THSD4: variants seen among roughly 807,000 people sequenced by gnomAD.
THSD4 encodes the protein thrombospondin type 1 domain containing 4, also known as thrombospondin type-1 domain-containing protein 4.
THSD4 carries 69 observed loss-of-function variants against 119.0 expected under a neutral mutation model. The observed-to-expected ratio is 0.58, with a 90% confidence interval of 0.48 to 0.71. THSD4 has a LOEUF of 0.71. THSD4 is among the 30% of genes least tolerant of loss of function. The pLI, the probability that THSD4 is intolerant of heterozygous loss-of-function variation, is 0.00. For synonymous variants in THSD4, 524 were observed against 540.4 expected, an observed-to-expected ratio of 0.97 and a Z score of 0.42; for missense variants, 1,393 against 1,391.1, an observed-to-expected ratio of 1.00 and a Z score of -0.02.
At chr15:71,310,315 G>A (rs2045094271) in intron 6 of THSD4, among the ~76,000 whole-genome samples, 1 of 152,092 alleles carries the variant, frequency 6.6e-6, no homozygotes, top group African/African-American at 2.4e-5. Flanking sequence ...CTCTGTGGGG[G>A]CCAAGGAAAC....
chr15:71,560,894 C>T (rs1298502004), intron 7 of THSD4, among the ~76,000 whole-genome samples: 2 of 151,584 alleles, frequency 1.3e-5, no homozygotes, highest in Admixed American at 1.3e-4. Flanking sequence ...CTTTCAAACA[C>T]ACAGGCCTGA....
chr15:71,549,400 G>C (rs1363633378), intron 7 of THSD4, among the ~76,000 whole-genome samples: 1 of 152,000 alleles, frequency 6.6e-6, no homozygotes. Flanking sequence ...CTGTGCTGTT[G>C]GCTCCAGAAC....
At chr15:71,648,161 T>A (rs1394942270) in intron 7 of THSD4, among the ~76,000 whole-genome samples, 1 of 152,212 alleles carries the variant, frequency 6.6e-6, no homozygotes, top group Non-Finnish European at 1.5e-5. Flanking sequence ...TCTCAGAGCT[T>A]TGGCAAAATA....
intron 15 of THSD4, among the ~76,000 whole-genome samples, chr15:71,762,391 GATGTAGGATCTC>G (rs2053641903): frequency 6.6e-6 from 1 of 152,202 alleles, no homozygotes; most frequent in Non-Finnish European, 1.5e-5. Context: ...ACTTAGTACA[GATGTAGGATCTC>G]ATAGCATTGA....
chr15:71,408,297 G>A (rs2046635387), intron 6 of THSD4, among the ~76,000 whole-genome samples: 1 of 152,132 alleles, frequency 6.6e-6, no homozygotes, highest in Admixed American at 6.5e-5. Flanking sequence ...CAGTCGTACA[G>A]TCACAACTCA....
intron 8 of THSD4, among the ~76,000 whole-genome samples, chr15:71,706,664 G>A (rs951843246): frequency 6.6e-6 from 1 of 152,168 alleles, no homozygotes; most frequent in Non-Finnish European, 1.5e-5. Flanking sequence ...ATGCCCTGGA[G>A]GTGAAGATGA....
intron 7 of THSD4, among the ~76,000 whole-genome samples, chr15:71,658,690 A>C (rs2051238032): frequency 6.6e-6 from 1 of 152,192 alleles, no homozygotes; most frequent in African/African-American, 2.4e-5. Flanking sequence ...TTTCTGCTAA[A>C]ATGTGCGTGG....
chr15:71,199,827 G>GGT (rs748178011), intron 3 of THSD4, among the ~76,000 whole-genome samples: 4 of 118,160 alleles, frequency 3.4e-5, no homozygotes, highest in South Asian at 3.0e-4. Flanking sequence ...GCACGTGTGG[G>GGT]GTGTGTGTGT....
intron 3 of THSD4, among the ~76,000 whole-genome samples, chr15:71,157,679 CTTTTTTTTTTTTT>C (rs60477136): frequency 7.7e-5 from 4 of 51,622 alleles, no homozygotes; most frequent in Admixed American, 2.3e-4. Context: ...TATATCAACT[CTTTTTTTTTTTTT>C]TTTTTTTTTC....
At chr15:71,427,391 A>G (rs2046885938) in intron 7 of THSD4, among the ~76,000 whole-genome samples, 1 of 151,994 alleles carries the variant, frequency 6.6e-6, no homozygotes, top group Admixed American at 6.6e-5. Context: ...TGAAGCATTC[A>G]GATGCATTCA....
chr15:71,238,027 GTTC>G (rs1208519563), intron 4 of THSD4, among the ~76,000 whole-genome samples: 4 of 151,958 alleles, frequency 2.6e-5, no homozygotes, highest in African/African-American at 7.3e-5. Context: ...GCACTGTCAT[GTTC>G]TTCTCATAGA....
At chr15:71,453,022 A>C (rs2047287328) in intron 7 of THSD4, among the ~76,000 whole-genome samples, 1 of 152,168 alleles carries the variant, frequency 6.6e-6, no homozygotes, top group South Asian at 2.1e-4. Flanking sequence ...TCTGCTCATA[A>C]CCACTGAGGA....
At chr15:71,268,357 C>T (rs916164035) in intron 6 of THSD4, among the ~76,000 whole-genome samples, 11 of 152,308 alleles carry the variant, frequency 7.2e-5, no homozygotes, top group Non-Finnish European at 1.5e-4. Flanking sequence ...TGAATAACTA[C>T]TGGGTAAATA....
intron 8 of THSD4, among the ~76,000 whole-genome samples, chr15:71,723,149 A>G (rs1315394169): frequency 1.3e-5 from 2 of 152,040 alleles, no homozygotes; most frequent in East Asian, 1.9e-4. Context: ...TCATAGAAGT[A>G]TATCTCTCAA....
chr15:71,636,739 A>G (rs1474160214), intron 7 of THSD4, among the ~76,000 whole-genome samples: 2 of 151,402 alleles, frequency 1.3e-5, no homozygotes, highest in Admixed American at 1.3e-4. Context: ...GACAATCCTG[A>G]CCCCAGCTGG....
intron 8 of THSD4, among the ~76,000 whole-genome samples, chr15:71,661,105 A>G (rs1187553947): frequency 2.0e-5 from 3 of 152,198 alleles, no homozygotes; most frequent in Non-Finnish European, 4.4e-5. Context: ...GTGGCCAGGG[A>G]CAATTGATCC....
intron 2 of THSD4, 25 bp from the exon 3 acceptor site, chr15:71,154,838 G>T (rs780578907): frequency 1.2e-6 from 2 of 1,612,936 alleles, no homozygotes; most frequent in Admixed American, 1.7e-5. Context: ...TCACCATCCT[G>T]CCTGTTGCTA....
intron 3 of THSD4, among the ~76,000 whole-genome samples, chr15:71,213,438 C>T (rs2043903568): frequency 6.6e-6 from 1 of 152,166 alleles, no homozygotes; most frequent in Admixed American, 6.5e-5. Context: ...CTTTTCAATT[C>T]TCCCCGCCTT....
Position 71,780,484 on chromosome 15 carries a change from T to C in THSD4, c.*3110T>C, listed in dbSNP as rs1391271006. ...CCTCACGATGACTTGCGGTTCTCTCTGTAGAAAAGGGATGGCCTAAGAAAT... is the reference window on the plus strand; with the variant it reads ...CCTCACGATGACTTGCGGTTCTCTCCGTAGAAAAGGGATGGCCTAAGAAAT... On this transcript the variant is annotated 3_prime_UTR_variant, in exon 18 of 18. Coordinates refer to ENST00000261862, the MANE Select transcript of THSD4 (RefSeq NM_024817.3). 2 of 256,082 alleles carry C rather than the reference T, an allele frequency of 7.8e-6. No individual in the cohort carries two copies. Among genetic ancestry groups the C allele is most frequent in the South Asian group, 4.5e-5 (1 of 22,096 alleles). 15.9% of individuals were successfully genotyped at this position (256,082 alleles called of 1,614,324 possible). A position where few individuals can be genotyped will look rare whatever the true frequency, so the allele number is the denominator to read the frequency against.
Sources: gnomAD v4.1 joint callset for allele counts (sites outside exome capture counted in the v4.1 genomes callset) on GRCh38, gnomAD v4.1.1 for gene constraint, MANE v1.5 for transcripts, NCBI Gene and HGNC (gene_info 2026-07-23, HGNC 2026-07-21) for gene names.